ZNF469: variants seen among roughly 807,000 people sequenced by gnomAD.
The protein encoded by ZNF469 is zinc finger protein 469.
ZNF469 carries 1 observed loss-of-function variant against 1.0 expected under a neutral mutation model. The observed-to-expected ratio is 1.00, with a 90% CI of 0.35 to 4.73. The LOEUF (loss-of-function observed/expected upper bound fraction) is 4.73, where lower values mean the gene tolerates loss of function less well. Ranked by LOEUF, ZNF469 falls within the 30% of genes most tolerant of loss-of-function variation. The pLI is 0.16. For missense variants in ZNF469, 6,100 were observed against 5,356.3 expected (o/e 1.14, Z -4.33); for synonymous variants, 2,703 against 2,363.4 (o/e 1.14, Z -4.17).
the ZNF469 span, among the ~76,000 whole-genome samples, chr16:88,108,579 T>C: frequency 1.6e-3 from 251 of 152,338 alleles, no homozygotes; most frequent in African/African-American, 5.7e-3. Flanking sequence ...TAGGATCTTC[T>C]CCCCACCTCT....
chr16:88,132,006 G>A, the ZNF469 span, among the ~76,000 whole-genome samples: 10 of 152,362 alleles, frequency 6.6e-5, no homozygotes, highest in South Asian at 2.1e-4. Flanking sequence ...TGCTCCGCCC[G>A]TGGGAAGCTG....
the ZNF469 span, among the ~76,000 whole-genome samples, chr16:88,252,964 G>C: frequency 4.6e-5 from 7 of 152,124 alleles, no homozygotes; most frequent in African/African-American, 1.7e-4. Flanking sequence ...TATAGCATAC[G>C]TTCCTTTGTA....
chr16:88,426,527 C>T (rs1309298832), intron 2 of ZNF469, among the ~76,000 whole-genome samples: 1 of 152,268 alleles, frequency 6.6e-6, no homozygotes, highest in East Asian at 1.9e-4. Context: ...AGGGGCCAGG[C>T]TCCTCTGGGC....
chr16:88,329,391 C>T, the ZNF469 span, among the ~76,000 whole-genome samples: 2 of 152,244 alleles, frequency 1.3e-5, no homozygotes, highest in South Asian at 4.1e-4. Context: ...ATTCCTCCCA[C>T]CAACCGCACA....
the ZNF469 span, among the ~76,000 whole-genome samples, chr16:88,316,610 G>A: frequency 1.3e-3 from 192 of 147,034 alleles, no homozygotes; most frequent in Middle Eastern, 3.6e-3. Flanking sequence ...GCAGTGACAC[G>A]ATCTTGGCTC....
At chr16:88,123,898 G>C in the ZNF469 span, among the ~76,000 whole-genome samples, 1 of 152,158 alleles carries the variant, frequency 6.6e-6, no homozygotes, top group Non-Finnish European at 1.5e-5. Flanking sequence ...CCGTCTCCCA[G>C]GTTCAAGCGA....
chr16:88,380,480 TACGTGCACACACAC>T (rs2092518883), upstream of ZNF469, among the ~76,000 whole-genome samples: 2 of 74,102 alleles, frequency 2.7e-5, no homozygotes, highest in East Asian at 4.2e-4. Context: ...CACTCACACA[TACGTGCACACACAC>T]ATGCACTCAC....
At chr16:88,348,695 G>T in the ZNF469 span, among the ~76,000 whole-genome samples, 33 of 152,326 alleles carry the variant, frequency 2.2e-4, no homozygotes, top group Middle Eastern at 0.017. Context: ...ACCTCCTGAG[G>T]TGCCATTTGG....
At chr16:88,221,010 G>A in the ZNF469 span, among the ~76,000 whole-genome samples, 1 of 152,148 alleles carries the variant, frequency 6.6e-6, no homozygotes, top group African/African-American at 2.4e-5. Context: ...TCCCTGAATG[G>A]CCAGAGGGAA....
intron 1 of ZNF469, among the ~76,000 whole-genome samples, chr16:88,396,425 G>A (rs1205682142): frequency 2.0e-5 from 3 of 151,190 alleles, no homozygotes; most frequent in Non-Finnish European, 4.4e-5. Flanking sequence ...CCTCCTGAAG[G>A]GAGGCTGGGA....
the ZNF469 span, among the ~76,000 whole-genome samples, chr16:88,180,778 C>A: frequency 6.8e-6 from 1 of 146,760 alleles, no homozygotes; most frequent in African/African-American, 2.6e-5. Flanking sequence ...TCTCAAAAAA[C>A]AAACAAACAA....
At chr16:88,260,141 C>G in the ZNF469 span, among the ~76,000 whole-genome samples, 1 of 129,268 alleles carries the variant, frequency 7.7e-6, no homozygotes, top group Non-Finnish European at 1.6e-5. The surrounding 1 kb of genome is among the most constrained non-coding windows in gnomAD (Gnocchi z 4.1). Flanking sequence ...CCACGCCCTG[C>G]TAGTGTTTTT....
chr16:88,142,685 T>C, the ZNF469 span, among the ~76,000 whole-genome samples: 67 of 152,016 alleles, frequency 4.4e-4, no homozygotes, highest in African/African-American at 9.2e-4. Flanking sequence ...GTCACCACCC[T>C]GTTTTACAGA....
At chr16:88,321,799 C>T in the ZNF469 span, among the ~76,000 whole-genome samples, 1 of 152,254 alleles carries the variant, frequency 6.6e-6, no homozygotes, top group African/African-American at 2.4e-5. Context: ...GGTAAGGCCT[C>T]ACCTGATTAG....
chr16:88,374,694 G>C, the ZNF469 span, among the ~76,000 whole-genome samples: 48 of 152,358 alleles, frequency 3.2e-4, no homozygotes, highest in Non-Finnish European at 1.2e-4. Context: ...AGAGCTGCGT[G>C]TGCAGTGGGC....
the ZNF469 span, among the ~76,000 whole-genome samples, chr16:88,253,396 G>A: frequency 7.2e-5 from 11 of 151,920 alleles, no homozygotes; most frequent in Admixed American, 2.0e-4. Flanking sequence ...TTTAGTGAGC[G>A]TGAGGCTGCA....
the ZNF469 span, among the ~76,000 whole-genome samples, chr16:88,360,894 A>G: frequency 6.6e-6 from 1 of 152,120 alleles, no homozygotes; most frequent in Non-Finnish European, 1.5e-5. Flanking sequence ...GGTTTCATGG[A>G]AGATAATTTT....
At chr16:88,353,569 C>T in the ZNF469 span, among the ~76,000 whole-genome samples, 3 of 152,320 alleles carry the variant, frequency 2.0e-5, no homozygotes, top group South Asian at 6.2e-4. Flanking sequence ...GAGAGGCTCC[C>T]GGAGCCCATT....
At chr16:88,417,525 A>G (rs745734092) in intron 1 of ZNF469, among the ~76,000 whole-genome samples, 14 of 152,124 alleles carry the variant, frequency 9.2e-5, no homozygotes, top group Non-Finnish European at 1.9e-4. Context: ...CCTGGGGCCA[A>G]TGAATCCCAA....
Sources: gnomAD v4.1 joint callset for allele counts (sites outside exome capture counted in the v4.1 genomes callset) on GRCh38, gnomAD v4.1.1 for gene constraint, Gnocchi (gnomAD v3.1) non-coding constraint, MANE v1.5 for transcripts, NCBI Gene and HGNC (gene_info 2026-07-23, HGNC 2026-07-21) for gene names.